The following GPR139 variants were observed in gnomAD, a reference collection of about 807,000 sequenced individuals.
The protein encoded by GPR139 is probable G protein-coupled receptor 139.
In GPR139, 12 loss-of-function variants were observed where a neutral mutation model predicts 25.8. The ratio of observed to expected loss-of-function variants is 0.47; its 90% CI spans 0.30 to 0.75. The LOEUF is 0.75. Ranked by LOEUF, GPR139 falls within the 30% of genes least tolerant of loss-of-function variation. The pLI is 0.07. For missense variants in GPR139, 380 were observed against 450.2 expected (o/e 0.84, Z 1.41); for synonymous variants, 184 against 179.9 (o/e 1.02, Z -0.18).
rs1166065933 is a variant in GPR139, at chr16:20,031,714, G to A, written c.*21C>T. The A allele has an allele frequency of 1.3e-6, 2 of 1,579,568 alleles. No homozygotes were observed. The highest frequency in any genetic ancestry group is 2.7e-5 in the African/African-American group (2 of 74,210). ...TCTGGAAATGGATTAGACAGAGGCAGTAGTTGCCACACCTATGGAATCACG... is the reference window on the plus strand; with the variant it reads ...TCTGGAAATGGATTAGACAGAGGCAATAGTTGCCACACCTATGGAATCACG... On this transcript the variant is annotated 3_prime_UTR_variant, in exon 2 of 2. Coordinates refer to ENST00000570682, the MANE Select transcript of GPR139 (RefSeq NM_001002911.4).
rs551069792 is a variant in GPR139 at position 20,032,093 on chromosome 16, G to C, written c.704C>G (p.Ser235Cys). 9 of 1,614,208 alleles carry C rather than the reference G, an allele frequency of 5.6e-6. No individual in the cohort carries two copies. The highest frequency in any genetic ancestry group is 7.6e-6 in the Non-Finnish European group (9 of 1,180,036). Reference protein sequence around the residue: ...KTTAILFTITSIFATLWAPRI... With the variant: ...KTTAILFTITCIFATLWAPRI... ...GGGGGCCCAAAGTGTGGCAAAGATG[G>C]AGGTAATGGTGAACAAGATGGCGGT... The change falls in exon 2 of 2, where the codon TCC (serine) becomes TGC (cysteine). Residue 235 changes from serine (S) to cysteine (C), a missense_variant. Ser to Cys is a moderately radical substitution (Grantham distance 112, BLOSUM62 -1). Transcript: ENST00000570682.
chr16:20,042,273 A>G (rs2057339135), intron 1 of GPR139, among the ~76,000 whole-genome samples: 1 of 152,242 alleles, frequency 6.6e-6, no homozygotes, highest in Non-Finnish European at 1.5e-5. Context: ...ACTTTTTAAC[A>G]TTTGGCTAGT....
chr16:20,065,788 G>A (rs564956323), intron 1 of GPR139, among the ~76,000 whole-genome samples: 1 of 151,338 alleles, frequency 6.6e-6, no homozygotes, highest in African/African-American at 2.4e-5. Flanking sequence ...CAGAAGAATC[G>A]CTTGAACCTG....
At chr16:20,033,758 C>A (rs937383435) in intron 1 of GPR139, among the ~76,000 whole-genome samples, 4 of 152,042 alleles carry the variant, frequency 2.6e-5, no homozygotes, top group African/African-American at 9.7e-5. Flanking sequence ...ATTCTCCAAT[C>A]ATCAAAGTTC....
chr16:20,071,223 G>A (rs531314831), intron 1 of GPR139, among the ~76,000 whole-genome samples: 1 of 152,290 alleles, frequency 6.6e-6, no homozygotes, highest in Non-Finnish European at 1.5e-5. Flanking sequence ...AGCAGAATCT[G>A]GATTAACATT....
At chr16:20,034,403 A>G (rs779827233) in intron 1 of GPR139, among the ~76,000 whole-genome samples, 1 of 152,238 alleles carries the variant, frequency 6.6e-6, no homozygotes, top group Non-Finnish European at 1.5e-5. Flanking sequence ...AAGAAATGAC[A>G]CTATAGATAC....
Position 20,031,637 on chromosome 16 carries a change from G to T in GPR139, c.*98C>A. On this transcript the variant is annotated 3_prime_UTR_variant, in exon 2 of 2. Transcript: ENST00000570682. The stretch of plus-strand genomic sequence containing the variant: ...CCAGTCTGCGGGAGACAGGAAATCG[G>T]ATTAGCACTCTTAAGGAGAGCTGCT... The T allele has an allele frequency of 3.3e-6, 3 of 899,122 alleles. No homozygotes were observed. The South Asian group carries it at 4.7e-5, about 14-fold the overall frequency. 55.7% of individuals were successfully genotyped at this position (899,122 alleles called of 1,614,324 possible).
At chr16:20,057,159 G>A (rs1473376080) in intron 1 of GPR139, among the ~76,000 whole-genome samples, 2 of 152,184 alleles carry the variant, frequency 1.3e-5, no homozygotes, top group Admixed American at 1.3e-4. Context: ...CCAATGGCAA[G>A]CACAGAACAT....
chr16:20,058,774 T>C (rs906817105), intron 1 of GPR139, among the ~76,000 whole-genome samples: 1 of 152,184 alleles, frequency 6.6e-6, no homozygotes, highest in Non-Finnish European at 1.5e-5. Context: ...CTTTTTCTTC[T>C]AGTTTGCCTC....
chr16:20,066,629 T>C (rs1056754163), intron 1 of GPR139, among the ~76,000 whole-genome samples: 9 of 152,312 alleles, frequency 5.9e-5, no homozygotes, highest in Admixed American at 2.6e-4. Flanking sequence ...AATAAAACAA[T>C]GCGAGTTACT....
At chr16:20,043,666 C>G (rs1005130617) in intron 1 of GPR139, among the ~76,000 whole-genome samples, 3 of 152,142 alleles carry the variant, frequency 2.0e-5, no homozygotes, top group Non-Finnish European at 4.4e-5. Flanking sequence ...GGGTAAGCCA[C>G]CTGCTGAAGA....
rs1051039434 is a variant in GPR139 at position 20,073,857 on chromosome 16, G to C, written c.-241C>G. 2 of 463,918 alleles carry C rather than the reference G, an allele frequency of 4.3e-6. No homozygotes were observed. The highest frequency in any genetic ancestry group is 3.7e-6 in the Non-Finnish European group (1 of 271,046). The allele number at this position is 463,918 out of a possible 1,614,324, so 28.7% of individuals were successfully genotyped here. On this transcript the variant is annotated 5_prime_UTR_variant, in exon 1 of 2. Coordinates refer to ENST00000570682, the MANE Select transcript of GPR139 (RefSeq NM_001002911.4). The surrounding 1 kb of genome is among the most constrained non-coding windows in gnomAD (Gnocchi z 4.7). The stretch of plus-strand genomic sequence containing the variant: ...GCGCAGGGTGCGGGGCGCGCTGCGC[G>C]GGGCCTCGGGAGGGGCTCCCGGAGC...
intron 1 of GPR139, among the ~76,000 whole-genome samples, chr16:20,046,069 A>G (rs2057353543): frequency 6.6e-6 from 1 of 152,190 alleles, no homozygotes; most frequent in African/African-American, 2.4e-5. Context: ...TGTGCCAAGC[A>G]TCATCCATCT....
At chr16:20,052,788 C>CAAAAAAAAAA (rs56189908) in intron 1 of GPR139, among the ~76,000 whole-genome samples, 4 of 121,948 alleles carry the variant, frequency 3.3e-5, no homozygotes, top group African/African-American at 1.1e-4. Flanking sequence ...GACTCCATCT[C>CAAAAAAAAAA]AAAAAAAAAA....
chr16:20,047,488 CTT>C lies in GPR139; in HGVS notation c.128-14821_128-14820del, dbSNP rs538862960. Among the ~76,000 whole-genome samples the C allele has an allele frequency of 2.0e-4, 30 of 152,334 alleles. No individual in the cohort carries two copies. In the South Asian group the frequency reaches 5.0e-3, roughly 25 times the overall value. On this transcript the variant is annotated intron_variant, in intron 1 of 1. Transcript: ENST00000570682. Reference sequence around the variant, plus strand: ...ATAAACTGCAACCAGTAACTATTGACTTTGCATCCTCTAGCTCCTTCCTCATA... The same window carrying C: ...ATAAACTGCAACCAGTAACTATTGACTGCATCCTCTAGCTCCTTCCTCATA...
In GPR139 at chr16:20,073,353, A is replaced by G. The variant is rs1294257971; in HGVS notation, c.127+137T>C. On this transcript the variant is annotated intron_variant, in intron 1 of 1. Coordinates refer to ENST00000570682, the MANE Select transcript of GPR139 (RefSeq NM_001002911.4). The surrounding 1 kb of genome is among the most constrained non-coding windows in gnomAD (Gnocchi z 4.7). Reference sequence around the variant, plus strand: ...ACTTCCTTTCCCCCCGTGTGGAAATATCCATAGTTGCCCTTAAAGCTTAAA... The same window carrying G: ...ACTTCCTTTCCCCCCGTGTGGAAATGTCCATAGTTGCCCTTAAAGCTTAAA... 7.8e-7 allele frequency: 1 copy of G among 1,286,212 alleles called. No homozygotes were observed. Among genetic ancestry groups the G allele is most frequent in the Non-Finnish European group, 1.1e-6 (1 of 925,338 alleles). 79.7% of individuals were successfully genotyped at this position (1,286,212 alleles called of 1,614,324 possible).
chr16:20,063,900 G>T (rs1467995472), intron 1 of GPR139, among the ~76,000 whole-genome samples: 1 of 152,208 alleles, frequency 6.6e-6, no homozygotes, highest in Non-Finnish European at 1.5e-5. Context: ...AAAGGAAAGA[G>T]ATTTAATTGA....
At chr16:20,044,978 A>G (rs1205531423) in intron 1 of GPR139, among the ~76,000 whole-genome samples, 1 of 146,792 alleles carries the variant, frequency 6.8e-6, no homozygotes, top group Non-Finnish European at 1.5e-5. Context: ...CACTTGCCAG[A>G]GGTTTCACTT....
chr16:20,052,053 C>T (rs1431467171), intron 1 of GPR139, among the ~76,000 whole-genome samples: 1 of 152,200 alleles, frequency 6.6e-6, no homozygotes, highest in Non-Finnish European at 1.5e-5. Flanking sequence ...TTACTCACCC[C>T]TCCTGCCCAC....
Sources: allele counts gnomAD v4.1 joint callset (sites outside exome capture counted in the v4.1 genomes callset), GRCh38; gene constraint gnomAD v4.1.1; non-coding constraint Gnocchi (gnomAD v3.1); transcripts MANE v1.5; gene names NCBI Gene and HGNC (gene_info 2026-07-23, HGNC 2026-07-21).